Variants in LMX1A observed in about 807,000 individuals in gnomAD.
The protein encoded by LMX1A is LIM homeobox transcription factor 1 alpha, also known as LIM homeobox transcription factor 1-alpha.
A neutral mutation model predicts 49.1 loss-of-function variants in LMX1A; 15 were observed. That is an observed-to-expected ratio of 0.31 (90% confidence interval 0.20 to 0.47). The LOEUF (loss-of-function observed/expected upper bound fraction) is 0.47. Ranked by LOEUF, LMX1A falls within the 20% of genes least tolerant of loss-of-function variation. The pLI, the probability that LMX1A is intolerant of heterozygous loss-of-function variation, is 1.00. For synonymous variants in LMX1A, 167 were observed against 185.7 expected, an observed-to-expected ratio of 0.90 and a Z score of 0.82; for missense variants, 372 against 475.8, an observed-to-expected ratio of 0.78 and a Z score of 2.03.
At chr1:165,212,618 A>G (rs1651457279) in intron 5 of LMX1A, among the ~76,000 whole-genome samples, 1 of 152,194 alleles carries the variant, frequency 6.6e-6, no homozygotes, top group Non-Finnish European at 1.5e-5. Flanking sequence ...AATTTCAGTA[A>G]AGAATACCCT....
At chr1:165,224,418 T>C (rs1651963765) in intron 4 of LMX1A, among the ~76,000 whole-genome samples, 3 of 152,186 alleles carry the variant, frequency 2.0e-5, no homozygotes, top group Non-Finnish European at 4.4e-5. Context: ...ATCTATAAAA[T>C]GGGGTCGTTG....
intron 3 of LMX1A, among the ~76,000 whole-genome samples, chr1:165,318,874 C>T (rs1389174417): frequency 6.6e-6 from 1 of 152,040 alleles, no homozygotes; most frequent in Non-Finnish European, 1.5e-5. Context: ...CTCTGTACTG[C>T]CTATCCTCAG....
chr1:165,221,396 A>G (rs536641878), intron 4 of LMX1A, among the ~76,000 whole-genome samples: 32 of 151,312 alleles, frequency 2.1e-4, no homozygotes, highest in African/African-American at 4.9e-4. Context: ...GTCTCCCCCC[A>G]ACTCCCCCCA....
intron 3 of LMX1A, among the ~76,000 whole-genome samples, chr1:165,321,525 G>A (rs772103870): frequency 1.3e-5 from 2 of 151,986 alleles, no homozygotes; most frequent in African/African-American, 2.4e-5. Flanking sequence ...TAAAGATAAC[G>A]CCAGAATAAT....
intron 4 of LMX1A, among the ~76,000 whole-genome samples, chr1:165,236,624 C>T (rs1254071689): frequency 6.6e-6 from 1 of 152,126 alleles, no homozygotes; most frequent in Non-Finnish European, 1.5e-5. Context: ...ATACTGCGTT[C>T]TCTTCTAACT....
chr1:165,283,116 T>C (rs1654200758), intron 3 of LMX1A, among the ~76,000 whole-genome samples: 1 of 152,040 alleles, frequency 6.6e-6, no homozygotes, highest in Admixed American at 6.5e-5. Flanking sequence ...GTGTAGACAA[T>C]GGTGGACCCA....
At chr1:165,206,650 A>C (rs1219441052) in intron 7 of LMX1A, among the ~76,000 whole-genome samples, 1 of 152,032 alleles carries the variant, frequency 6.6e-6, no homozygotes, top group Non-Finnish European at 1.5e-5. Context: ...TCTCCCTTTG[A>C]ATTGCACAGG....
At chr1:165,313,553 TGG>T (rs1655136784) in intron 3 of LMX1A, among the ~76,000 whole-genome samples, 1 of 148,664 alleles carries the variant, frequency 6.7e-6, no homozygotes. Flanking sequence ...TTTAAAGGTG[TGG>T]GCAGGGCTTA....
chr1:165,334,891 G>A (rs1210070894), intron 3 of LMX1A, among the ~76,000 whole-genome samples: 1 of 146,636 alleles, frequency 6.8e-6, no homozygotes, highest in Admixed American at 6.8e-5. Context: ...AACGCAGTCA[G>A]TCTCAGGAGG....
At position 165,205,884 on chromosome 1, in the gene LMX1A, C is replaced by T. The variant is rs1490598096; in HGVS notation, c.968G>A (p.Gly323Glu). 6.2e-7 allele frequency: 1 copy of T among 1,613,950 alleles called. No homozygotes were observed. The highest frequency in any genetic ancestry group is 2.2e-5 in the East Asian group (1 of 44,858). ...RQGLTPPQMPGDHMHPYGAEP... is the reference protein window; with the variant it reads ...RQGLTPPQMPEDHMHPYGAEP... The stretch of plus-strand genomic sequence containing the variant: ...CTTACCATAAGGGTGCATGTGGTCT[C>T]CAGGCATCTGGGGTGGGGTGAGACC... Residue 323 changes from glycine to glutamate, a missense_variant, in exon 8 of 9, where the codon GGA (glycine) becomes GAA (glutamate). Gly to Glu is a moderately conservative substitution (Grantham distance 98). This residue lies in a region of LMX1A where 127 missense variants were observed against 138.0 expected (regional missense o/e 0.92). Transcript: ENST00000342310.
chr1:165,280,764 G>T (rs1654121223), intron 3 of LMX1A, among the ~76,000 whole-genome samples: 1 of 152,072 alleles, frequency 6.6e-6, no homozygotes, highest in African/African-American at 2.4e-5. Flanking sequence ...TATATCTGGG[G>T]CCAAACACAA....
intron 3 of LMX1A, among the ~76,000 whole-genome samples, chr1:165,280,898 C>A (rs1411774542): frequency 6.6e-6 from 1 of 152,114 alleles, no homozygotes; most frequent in Non-Finnish European, 1.5e-5. Context: ...TGGATAGGGC[C>A]TTCGTAACAG....
At chr1:165,235,841 G>C (rs4657418) in intron 4 of LMX1A, among the ~76,000 whole-genome samples, 41,133 of 152,168 alleles carry the variant, frequency 0.27, 5,700 homozygotes, top group African/African-American at 0.28. Flanking sequence ...GAGATTATGG[G>C]GAACATATGG....
At chr1:165,211,356 A>C (rs1463937666) in intron 5 of LMX1A, 1 of 152,338 alleles carries the variant, frequency 6.6e-6, no homozygotes, top group African/African-American at 2.4e-5. Flanking sequence ...CTCTGAGGCC[A>C]GCACATGTGC....
chr1:165,263,514 C>T (rs1653513436), intron 3 of LMX1A, among the ~76,000 whole-genome samples: 1 of 152,200 alleles, frequency 6.6e-6, no homozygotes, highest in Non-Finnish European at 1.5e-5. Flanking sequence ...CAAAGAATAG[C>T]CAGGACAGTC....
At chr1:165,347,158 C>G (rs1041972618) in intron 3 of LMX1A, among the ~76,000 whole-genome samples, 1 of 152,208 alleles carries the variant, frequency 6.6e-6, no homozygotes, top group Non-Finnish European at 1.5e-5. Flanking sequence ...GTCTCCCTCT[C>G]TTTCAGAAAA....
At chr1:165,321,607 CA>C (rs1262329350) in intron 3 of LMX1A, among the ~76,000 whole-genome samples, 3 of 152,096 alleles carry the variant, frequency 2.0e-5, no homozygotes, top group African/African-American at 7.2e-5. Flanking sequence ...CCATATAAAA[CA>C]TCAACACAAA....
At chr1:165,294,298 C>A (rs1654556070) in intron 3 of LMX1A, among the ~76,000 whole-genome samples, 1 of 152,236 alleles carries the variant, frequency 6.6e-6, no homozygotes, top group African/African-American at 2.4e-5. Flanking sequence ...GGCTGTGACT[C>A]CAGTGGTTGC....
chr1:165,299,837 G>C (rs943177336), intron 3 of LMX1A, among the ~76,000 whole-genome samples: 6 of 150,002 alleles, frequency 4.0e-5, no homozygotes, highest in South Asian at 2.1e-4. Flanking sequence ...CAACCTGCAA[G>C]AGGTGGCAGT....
Sources: gnomAD v4.1 joint callset for allele counts (sites outside exome capture counted in the v4.1 genomes callset) on GRCh38, gnomAD v4.1.1 for gene constraint, gnomAD v4.1.1 regional missense constraint, MANE v1.5 for transcripts, NCBI Gene and HGNC (gene_info 2026-07-23, HGNC 2026-07-21) for gene names.